NRG1: variants seen among roughly 807,000 people sequenced by gnomAD.
The protein encoded by NRG1 is pro-neuregulin-1, membrane-bound isoform.
A neutral mutation model predicts 63.8 loss-of-function variants in NRG1; 18 were observed. The observed-to-expected ratio is 0.28, with a 90% CI of 0.19 to 0.42. NRG1 has a LOEUF of 0.42. Ranked by LOEUF, NRG1 falls within the 10% of genes least tolerant of loss-of-function variation. The probability of loss-of-function intolerance (pLI) is 1.00; values close to 1 mark genes in which losing one functional copy is unlikely to be tolerated. For synonymous variants in NRG1, 302 were observed against 301.3 expected (o/e 1.00, Z -0.02); for missense variants, 762 against 814.7 (o/e 0.94, Z 0.79).
At chr8:32,024,729 A>T (rs1816977539) in intron 1 of NRG1, among the ~76,000 whole-genome samples, 1 of 152,238 alleles carries the variant, frequency 6.6e-6, no homozygotes, top group Non-Finnish European at 1.5e-5. Flanking sequence ...TCACAAAAGA[A>T]TAAGAAGTAA....
intron 1 of NRG1, among the ~76,000 whole-genome samples, chr8:31,919,024 T>C (rs577137409): frequency 5.1e-4 from 77 of 152,306 alleles, no homozygotes; most frequent in African/African-American, 1.8e-3. Flanking sequence ...TGGTAGTTTG[T>C]ATTTCTGTGG....
At chr8:32,344,273 C>A (rs193038871) in intron 1 of NRG1, among the ~76,000 whole-genome samples, 11 of 151,890 alleles carry the variant, frequency 7.2e-5, no homozygotes, top group Non-Finnish European at 1.2e-4. Flanking sequence ...CAGTTCCATG[C>A]ACTTTAAAAT....
chr8:32,083,644 T>A (rs561789948), intron 1 of NRG1, among the ~76,000 whole-genome samples: 9 of 152,276 alleles, frequency 5.9e-5, no homozygotes, highest in African/African-American at 2.2e-4. Context: ...ACCTGGATAA[T>A]GAGCTATCTG....
At chr8:31,639,689 G>A in intron 1 of NRG1, 2 of 1,401,848 alleles carry the variant, frequency 1.4e-6, no homozygotes, top group Non-Finnish European at 1.8e-6. Flanking sequence ...GGGGGTGGGG[G>A]GACCTGTCAC....
intron 5 of NRG1, among the ~76,000 whole-genome samples, chr8:32,666,716 G>A (rs1234962864): frequency 1.3e-5 from 2 of 152,210 alleles, no homozygotes; most frequent in African/African-American, 4.8e-5. Flanking sequence ...ACATTGTTGT[G>A]AGAAAGAGCT....
intron 1 of NRG1, among the ~76,000 whole-genome samples, chr8:32,419,929 C>T (rs1036049783): frequency 6.6e-5 from 10 of 152,240 alleles, no homozygotes; most frequent in South Asian, 4.1e-4. Context: ...TTATATTGCG[C>T]GTCTTCTATT....
intron 1 of NRG1, among the ~76,000 whole-genome samples, chr8:31,680,779 T>C (rs1202313184): frequency 6.6e-6 from 1 of 152,080 alleles, no homozygotes; most frequent in African/African-American, 2.4e-5. Context: ...TGTTCCTATT[T>C]CTCCACATCC....
At chr8:32,537,625 G>A (rs970919155) in intron 1 of NRG1, among the ~76,000 whole-genome samples, 1 of 152,126 alleles carries the variant, frequency 6.6e-6, no homozygotes, top group Admixed American at 6.5e-5. Context: ...AGGGGAGAGT[G>A]GCAACTAAAG....
At chr8:31,930,201 TGTAAGAA>T (rs1308087363) in intron 1 of NRG1, among the ~76,000 whole-genome samples, 2 of 152,196 alleles carry the variant, frequency 1.3e-5, no homozygotes, top group African/African-American at 2.4e-5. Context: ...CTACTCACAG[TGTAAGAA>T]GTAGCTTGAG....
chr8:31,829,364 T>A (rs1279679358), intron 1 of NRG1, among the ~76,000 whole-genome samples: 1 of 152,218 alleles, frequency 6.6e-6, no homozygotes, highest in Non-Finnish European at 1.5e-5. Context: ...ATAAACATGG[T>A]GAATTCATTT....
chr8:32,547,361 C>G (rs1833180234), upstream of NRG1, among the ~76,000 whole-genome samples: 1 of 152,154 alleles, frequency 6.6e-6, no homozygotes, highest in African/African-American at 2.4e-5. Context: ...ATCTCCAGTT[C>G]TGTGTCTTTA....
intron 1 of NRG1, among the ~76,000 whole-genome samples, chr8:31,774,727 A>G (rs182132709): frequency 8.5e-5 from 13 of 152,318 alleles, no homozygotes; most frequent in Admixed American, 4.6e-4. Flanking sequence ...AGGAACTTAG[A>G]CAAGAACAAC....
At chr8:31,880,361 A>T (rs1021605903) in intron 1 of NRG1, among the ~76,000 whole-genome samples, 5 of 152,180 alleles carry the variant, frequency 3.3e-5, no homozygotes, top group African/African-American at 1.2e-4. Flanking sequence ...GTTAATGTAG[A>T]CAAACATGGG....
In NRG1 at chr8:31,843,595, G is replaced by T. The variant is rs536290333; in HGVS notation, c.37+204164G>T. 9.9e-5 allele frequency among the ~76,000 whole-genome samples: 15 copies of T among 152,054 alleles called. 1 individual carries two copies. The highest frequency in any genetic ancestry group is 9.8e-4 in the Admixed American group (15 of 15,256). The stretch of plus-strand genomic sequence containing the variant: ...TGTTTCATTTGATCCTATAGAGTTT[G>T]GGGGAGGGCTGAACAACAGTTTCAT... On this transcript the variant is annotated intron_variant, in intron 1 of 10. Transcript: ENST00000519301.
At chr8:32,341,015 A>T (rs1280390827) in intron 1 of NRG1, among the ~76,000 whole-genome samples, 1 of 152,224 alleles carries the variant, frequency 6.6e-6, no homozygotes, top group Admixed American at 6.5e-5. Flanking sequence ...ACCCAATAAC[A>T]ATACGTGAGA....
intron 1 of NRG1, among the ~76,000 whole-genome samples, chr8:32,229,537 A>C (rs1846684320): frequency 6.6e-6 from 1 of 152,172 alleles, no homozygotes; most frequent in Admixed American, 6.5e-5. Flanking sequence ...CTGGCAAACA[A>C]GATAAGGCCA....
intron 1 of NRG1, among the ~76,000 whole-genome samples, chr8:32,073,175 G>C (rs1435008671): frequency 1.3e-5 from 2 of 152,150 alleles, no homozygotes; most frequent in African/African-American, 4.8e-5. Flanking sequence ...CCCTTTGGGT[G>C]TTCCGCGTCA....
At chr8:32,327,651 C>T (rs1802164303) in intron 1 of NRG1, among the ~76,000 whole-genome samples, 1 of 152,198 alleles carries the variant, frequency 6.6e-6, no homozygotes, top group African/African-American at 2.4e-5. Flanking sequence ...ATGTGAAGAT[C>T]ATCCTTGTTT....
At chr8:31,868,146 T>TCACACA (rs755924161) in intron 1 of NRG1, among the ~76,000 whole-genome samples, 29 of 115,878 alleles carry the variant, frequency 2.5e-4, no homozygotes, top group African/African-American at 7.8e-4. Flanking sequence ...CACATACATC[T>TCACACA]TACACACACA....
Sources: allele counts gnomAD v4.1 joint callset (sites outside exome capture counted in the v4.1 genomes callset), GRCh38; gene constraint gnomAD v4.1.1; transcripts MANE v1.5; gene names NCBI Gene and HGNC (gene_info 2026-07-23, HGNC 2026-07-21).